Variants in ADGRL3 observed in about 807,000 individuals in gnomAD.
The protein encoded by ADGRL3 is calcium-independent alpha-latrotoxin receptor 3.
ADGRL3 carries 62 observed loss-of-function variants against 153.5 expected under a neutral mutation model. The ratio of observed to expected loss-of-function variants is 0.40; its 90% confidence interval spans 0.33 to 0.50. The LOEUF is 0.50. Among genes scored for constraint, ADGRL3 ranks in the 20% least tolerant of loss-of-function variants. ADGRL3 has a pLI of 0.47. For missense variants in ADGRL3, 1,641 were observed against 1,859.4 expected, an observed-to-expected ratio of 0.88 and a Z score of 2.16; for synonymous variants, 710 against 672.5, an observed-to-expected ratio of 1.06 and a Z score of -0.86.
rs528055674 is a variant in ADGRL3, at chr4:61,353,080, G to T, written c.-239-30044G>T. ...CCGTATCTTAGGGAGACAGGCCCAA[G>T]AATTTCCCAGAAGGAGGAGTTTGCT... is the stretch of plus-strand genomic sequence containing the variant. On this transcript the variant is annotated intron_variant, in intron 1 of 26. Transcript: ENST00000683033. Among the ~76,000 whole-genome samples, 8 of 152,272 alleles carry T rather than the reference G, an allele frequency of 5.3e-5. No homozygotes were observed. The South Asian group carries it at 1.7e-3, about 32-fold the overall frequency.
chr4:61,619,560 C>A (rs952589646), intron 5 of ADGRL3, among the ~76,000 whole-genome samples: 4 of 151,320 alleles, frequency 2.6e-5, no homozygotes, highest in Non-Finnish European at 5.9e-5. Flanking sequence ...CTAATCATAA[C>A]CTCCTGTGTG....
At chr4:61,650,118 A>T (rs997908714) in intron 5 of ADGRL3, among the ~76,000 whole-genome samples, 27 of 152,188 alleles carry the variant, frequency 1.8e-4, no homozygotes, top group African/African-American at 6.5e-4. Flanking sequence ...AAATCTACTG[A>T]GAGAAATAAT....
At chr4:62,068,862 A>T (rs980015062) in intron 26 of ADGRL3, among the ~76,000 whole-genome samples, 9 of 152,166 alleles carry the variant, frequency 5.9e-5, no homozygotes, top group Non-Finnish European at 1.0e-4. Flanking sequence ...TCCAAATAAA[A>T]ATTGGCATAT....
At chr4:61,210,506 T>G (rs1739451476) in intron 1 of ADGRL3, among the ~76,000 whole-genome samples, 1 of 151,212 alleles carries the variant, frequency 6.6e-6, no homozygotes, top group Non-Finnish European at 1.5e-5. Context: ...TGTAAGAGGG[T>G]TTTCAACAGT....
At position 61,238,347 on chromosome 4, in the gene ADGRL3, T is replaced by C. The variant is rs1049805373; in HGVS notation, c.-240+36582T>C. On this transcript the variant is annotated intron_variant, in intron 1 of 26. Coordinates refer to ENST00000683033, the MANE Select transcript of ADGRL3 (RefSeq NM_001387552.1). ...ATATTTTGAACTCCCTTATACTCTC[T>C]GTTATCTCTATAAGGTTCTGTTTTC... 2.6e-5 allele frequency among the ~76,000 whole-genome samples: 4 copies of C among 152,314 alleles called. No individual in the cohort carries two copies. In the East Asian group the frequency reaches 7.7e-4, roughly 29 times the overall value.
intron 8 of ADGRL3, among the ~76,000 whole-genome samples, chr4:61,765,573 T>A (rs2096966562): frequency 6.6e-6 from 1 of 152,052 alleles, no homozygotes; most frequent in Non-Finnish European, 1.5e-5. Context: ...CTGATTTGAC[T>A]GATAAAGGCT....
At chr4:61,862,507 C>T (rs2098352712) in intron 9 of ADGRL3, among the ~76,000 whole-genome samples, 1 of 152,092 alleles carries the variant, frequency 6.6e-6, no homozygotes, top group South Asian at 2.1e-4. Context: ...ATAATCTAAC[C>T]CTGAGGTAAA....
chr4:61,201,417 C>G lies in ADGRL3; in HGVS notation c.-588C>G, dbSNP rs1452582300. 1 of 152,512 alleles carries G rather than the reference C, an allele frequency of 6.6e-6. No individual in the cohort carries two copies. The highest frequency in any genetic ancestry group is 1.9e-4 in the East Asian group (1 of 5,168). 9.4% of individuals were successfully genotyped at this position (152,512 alleles called of 1,614,324 possible). A position where few individuals can be genotyped will look rare whatever the true frequency, so the allele number is the denominator to read the frequency against. ...CTGTGGACTGGGAGAGACATTTGAACCCTCTTTTCTTTTCGCTCCCCTTTT... is the reference window on the plus strand; with the variant it reads ...CTGTGGACTGGGAGAGACATTTGAAGCCTCTTTTCTTTTCGCTCCCCTTTT... On this transcript the variant is annotated 5_prime_UTR_variant, in exon 1 of 27. Coordinates refer to ENST00000683033, the MANE Select transcript of ADGRL3 (RefSeq NM_001387552.1).
intron 5 of ADGRL3, among the ~76,000 whole-genome samples, chr4:61,623,744 C>A (rs767759051): frequency 2.0e-5 from 3 of 152,048 alleles, no homozygotes; most frequent in Non-Finnish European, 4.4e-5. Context: ...CAGATAATAA[C>A]CCTAAGAAGT....
rs549169288 is a variant in ADGRL3, at chr4:61,991,984, C to G, written c.3237-4307C>G. On this transcript the variant is annotated intron_variant, in intron 19 of 26. Transcript: ENST00000683033. ...TAAACATGAGTGTGGTCAGAATGCA[C>G]TTGTTTTCTCAAGTCTCTTATGTCT... 6.0e-5 allele frequency among the ~76,000 whole-genome samples: 9 copies of G among 149,400 alleles called. No homozygotes were observed. In the East Asian group the frequency reaches 1.8e-3, roughly 29 times the overall value.
chr4:61,364,636 G>T (rs2096361770), intron 1 of ADGRL3, among the ~76,000 whole-genome samples: 1 of 152,058 alleles, frequency 6.6e-6, no homozygotes, highest in Non-Finnish European at 1.5e-5. Context: ...AATAACTATT[G>T]TAAGATAAAT....
intron 8 of ADGRL3, among the ~76,000 whole-genome samples, chr4:61,750,810 A>AG (rs1554020447): frequency 5.8e-4 from 86 of 147,166 alleles, no homozygotes; most frequent in African/African-American, 2.2e-3. Flanking sequence ...AAAAAAAAAA[A>AG]AAGTCAAAGC....
intron 4 of ADGRL3, among the ~76,000 whole-genome samples, chr4:61,547,274 CT>C (rs936766109): frequency 2.2e-3 from 315 of 142,446 alleles, no homozygotes; most frequent in Non-Finnish European, 2.1e-3. Context: ...GTTTTTTTTA[CT>C]TTTTTTTTTT....
chr4:62,028,920 A>C, intron 22 of ADGRL3, 39 bp downstream of exon 22: 1 of 1,577,980 alleles, frequency 6.3e-7, no homozygotes, highest in Admixed American at 1.7e-5. Flanking sequence ...TCCGTTTATC[A>C]GTGTGGTCCC....
chr4:61,906,715 C>CT lies in ADGRL3; in HGVS notation c.1888-2831dup, dbSNP rs397972603. 2.5e-3 allele frequency among the ~76,000 whole-genome samples: 352 copies of CT among 143,472 alleles called. 1 individual carries two copies. Among genetic ancestry groups the CT allele is most frequent in the African/African-American group, 6.4e-3 (250 of 39,310 alleles). 94.1% of individuals were successfully genotyped at this position (143,472 alleles called of 152,430 possible). A position where few individuals can be genotyped will look rare whatever the true frequency, so the allele number is the denominator to read the frequency against. On this transcript the variant is annotated intron_variant, in intron 11 of 26. Transcript: ENST00000683033. ...CTTGACACCACTTAATGATATTAAA[C>CT]TTTTTTTTTTTTTTACTTTTTGAGT...
At chr4:61,215,357 T>A (rs1376927173) in intron 1 of ADGRL3, among the ~76,000 whole-genome samples, 2 of 152,088 alleles carry the variant, frequency 1.3e-5, no homozygotes, top group African/African-American at 4.8e-5. Flanking sequence ...TGTTGCAAGA[T>A]AAATTTAAGT....
intron 9 of ADGRL3, among the ~76,000 whole-genome samples, chr4:61,823,652 A>G (rs1376420355): frequency 6.6e-6 from 1 of 152,236 alleles, no homozygotes; most frequent in Non-Finnish European, 1.5e-5. Flanking sequence ...TAAGACAGAT[A>G]ATACTAAGCC....
intron 2 of ADGRL3, among the ~76,000 whole-genome samples, chr4:61,437,423 TA>T (rs1258327101): frequency 6.6e-6 from 1 of 152,184 alleles, no homozygotes; most frequent in Non-Finnish European, 1.5e-5. Context: ...TTGGCCAGGA[TA>T]AATTGGGCCC....
intron 9 of ADGRL3, among the ~76,000 whole-genome samples, chr4:61,872,182 A>C (rs2098449414): frequency 6.6e-6 from 1 of 152,156 alleles, no homozygotes. Flanking sequence ...AGTGGTTCTT[A>C]GTGGCTGGAT....
Sources: allele counts gnomAD v4.1 joint callset (sites outside exome capture counted in the v4.1 genomes callset), GRCh38; gene constraint gnomAD v4.1.1; transcripts MANE v1.5; gene names NCBI Gene and HGNC (gene_info 2026-07-23, HGNC 2026-07-21).